The following TBC1D19 variants were observed in gnomAD, a reference collection of about 807,000 sequenced individuals.
TBC1D19 encodes the protein TBC1 domain family member 19.
In TBC1D19, 60 loss-of-function variants were observed where a neutral mutation model predicts 89.0. That is an observed-to-expected ratio of 0.67 (90% CI 0.55 to 0.84). TBC1D19 has a LOEUF of 0.84. TBC1D19 is among the 40% of genes least tolerant of loss of function. The pLI is 0.00. For synonymous variants in TBC1D19, 189 were observed against 199.7 expected (o/e 0.95, Z 0.45); for missense variants, 500 against 610.8 (o/e 0.82, Z 1.91).
At chr4:26,792,086 C>A in the TBC1D19 span, among the ~76,000 whole-genome samples, 1 of 151,962 alleles carries the variant, frequency 6.6e-6, no homozygotes, top group African/African-American at 2.4e-5. Flanking sequence ...CAAGACCTAG[C>A]AGAATGTAAT....
chr4:26,728,090 A>C lies in TBC1D19; in HGVS notation c.1085-7365A>C, dbSNP rs558774602. On this transcript the variant is annotated intron_variant, in intron 15 of 20. Coordinates refer to ENST00000264866, the MANE Select transcript of TBC1D19 (RefSeq NM_018317.4). ...TAATTTATTGTAAGCTTTCTTATTA[A>C]AAGTGCCTTGTCCTGACTAGGGTAT... Among the ~76,000 whole-genome samples the C allele has an allele frequency of 3.3e-5, 5 of 152,320 alleles. No homozygotes were observed. In the South Asian group the frequency reaches 1.0e-3, roughly 32 times the overall value.
chr4:26,776,952 G>A, the TBC1D19 span, among the ~76,000 whole-genome samples: 8 of 152,030 alleles, frequency 5.3e-5, no homozygotes, highest in Admixed American at 3.9e-4. Flanking sequence ...GAAGTTCATC[G>A]TGTGCTCTTT....
intron 17 of TBC1D19, among the ~76,000 whole-genome samples, chr4:26,741,788 T>C (rs1284707426): frequency 6.6e-6 from 1 of 152,208 alleles, no homozygotes. Context: ...CTCTGAGGAA[T>C]GCTAAGCTGC....
At chr4:26,780,368 C>T in the TBC1D19 span, among the ~76,000 whole-genome samples, 1 of 152,190 alleles carries the variant, frequency 6.6e-6, no homozygotes, top group Non-Finnish European at 1.5e-5. Context: ...TAACACTTTT[C>T]ACCCAGATTC....
chr4:26,822,332 A>G, the TBC1D19 span, among the ~76,000 whole-genome samples: 1 of 152,340 alleles, frequency 6.6e-6, no homozygotes, highest in East Asian at 1.9e-4. Context: ...GTCCTAGTGG[A>G]CAGATGTCAC....
chr4:26,658,636 A>G (rs1220517803), intron 7 of TBC1D19, among the ~76,000 whole-genome samples: 4 of 152,162 alleles, frequency 2.6e-5, no homozygotes, highest in Non-Finnish European at 4.4e-5. Flanking sequence ...AGTCAGTGGT[A>G]GCTTTGGGGA....
chr4:26,809,985 C>T, the TBC1D19 span, among the ~76,000 whole-genome samples: 1 of 152,230 alleles, frequency 6.6e-6, no homozygotes, highest in Non-Finnish European at 1.5e-5. Context: ...GGGGCCAGGG[C>T]TTCTTCAGAC....
intron 10 of TBC1D19, among the ~76,000 whole-genome samples, chr4:26,672,609 G>A (rs1232408771): frequency 6.6e-6 from 1 of 152,010 alleles, no homozygotes; most frequent in African/African-American, 2.4e-5. Flanking sequence ...ACCATTCACA[G>A]TGGTGTGGCT....
intron 19 of TBC1D19, among the ~76,000 whole-genome samples, chr4:26,750,109 A>C (rs1262389018): frequency 1.3e-5 from 2 of 152,182 alleles, no homozygotes; most frequent in Non-Finnish European, 2.9e-5. Context: ...TTTCTGGATA[A>C]TATGGCTCAT....
the TBC1D19 span, among the ~76,000 whole-genome samples, chr4:26,802,164 AAAAC>A: frequency 1.3e-4 from 20 of 152,312 alleles, no homozygotes; most frequent in East Asian, 1.4e-3. Flanking sequence ...AAACAGGCAA[AAAAC>A]AAACAAACAA....
At chr4:26,663,369 A>AT (rs1009433505) in intron 8 of TBC1D19, among the ~76,000 whole-genome samples, 6 of 152,218 alleles carry the variant, frequency 3.9e-5, no homozygotes, top group African/African-American at 1.4e-4. Context: ...AAGAATGTGC[A>AT]TGAGCTAAAA....
chr4:26,600,075 G>A (rs986160155), intron 1 of TBC1D19, among the ~76,000 whole-genome samples: 1 of 150,954 alleles, frequency 6.6e-6, no homozygotes, highest in Non-Finnish European at 1.5e-5. Context: ...AATGGATGTT[G>A]TGTAATACCC....
intron 11 of TBC1D19, among the ~76,000 whole-genome samples, chr4:26,677,894 T>C (rs926869081): frequency 5.9e-5 from 9 of 152,152 alleles, no homozygotes; most frequent in Non-Finnish European, 1.0e-4. Context: ...GAACCGTGAG[T>C]CAATTAAACC....
At chr4:26,596,100 G>A (rs1028006918) in intron 1 of TBC1D19, among the ~76,000 whole-genome samples, 3 of 152,094 alleles carry the variant, frequency 2.0e-5, no homozygotes, top group South Asian at 2.1e-4. Context: ...GGGATTACAG[G>A]TGCGTGCTAC....
intron 1 of TBC1D19, among the ~76,000 whole-genome samples, chr4:26,592,324 G>T (rs574033527): frequency 1.3e-5 from 2 of 152,246 alleles, no homozygotes; most frequent in South Asian, 4.1e-4. Context: ...ATTAGGTATT[G>T]ATGGGACATA....
chr4:26,820,837 T>C, the TBC1D19 span, among the ~76,000 whole-genome samples: 1 of 152,240 alleles, frequency 6.6e-6, no homozygotes, highest in Non-Finnish European at 1.5e-5. Context: ...ATATATTATA[T>C]GTTTAACTCA....
rs751316635 is a variant in TBC1D19, at chr4:26,672,129, A to T, written c.665-20A>T. ...GCTCATACTCATGTCTAATAATTTT[A>T]ATTTTTTTTTAATTTTTAGAACTTT... is the stretch of plus-strand genomic sequence containing the variant. On this transcript the variant is annotated intron_variant, in intron 9 of 20. Coordinates refer to ENST00000264866, the MANE Select transcript of TBC1D19 (RefSeq NM_018317.4). The T allele has an allele frequency of 2.0e-6, 2 of 1,020,626 alleles. No homozygotes were observed. The highest frequency in any genetic ancestry group is 6.2e-5 in the East Asian group (1 of 16,140). 63.2% of individuals were successfully genotyped at this position (1,020,626 alleles called of 1,614,324 possible). A position where few individuals can be genotyped will look rare whatever the true frequency, so the allele number is the denominator to read the frequency against.
intron 4 of TBC1D19, among the ~76,000 whole-genome samples, chr4:26,627,542 C>A (rs1742503509): frequency 6.6e-6 from 1 of 152,198 alleles, no homozygotes; most frequent in Non-Finnish European, 1.5e-5. Context: ...CACATCCTCT[C>A]CAGCATCTGT....
In TBC1D19 at chr4:26,688,399, T is replaced by C. The variant is rs1713997069; in HGVS notation, c.946T>C (p.Leu316=). The change falls in exon 13 of 21, where the codon TTA becomes CTA. Residue 316 remains leucine (L), a synonymous_variant. Transcript: ENST00000264866. ...DDYYFVFEDY[L]YQVLLCFSRD... ...TTATTATTTTGTATTTGAAGATTAT[T>C]TATATCAGGTAAGTTTAAAAATAAA... is the stretch of plus-strand genomic sequence containing the variant. The C allele has an allele frequency of 6.4e-7, 1 of 1,562,526 alleles. No homozygotes were observed. Among genetic ancestry groups the C allele is most frequent in the Non-Finnish European group, 8.7e-7 (1 of 1,150,080 alleles).
Sources: gnomAD v4.1 joint callset for allele counts (sites outside exome capture counted in the v4.1 genomes callset) on GRCh38, gnomAD v4.1.1 for gene constraint, MANE v1.5 for transcripts, NCBI Gene and HGNC (gene_info 2026-07-23, HGNC 2026-07-21) for gene names.